Variants in PLOD2 observed in about 807,000 individuals in gnomAD.
PLOD2 encodes the protein lysine hydroxylase 2.
In PLOD2, 65 loss-of-function variants were observed where a neutral mutation model predicts 101.0. The observed-to-expected ratio is 0.64, with a 90% CI of 0.53 to 0.79. PLOD2 has a LOEUF of 0.79. Ranked by LOEUF, PLOD2 falls within the 30% of genes least tolerant of loss-of-function variation. The probability of loss-of-function intolerance (pLI) is 0.00; values close to 1 mark genes in which losing one functional copy is unlikely to be tolerated. For synonymous variants in PLOD2, 314 were observed against 302.9 expected, an observed-to-expected ratio of 1.04 and a Z score of -0.38; for missense variants, 909 against 914.6, an observed-to-expected ratio of 0.99 and a Z score of 0.08.
chr3:146,154,519 C>G (rs1576633388), intron 1 of PLOD2, among the ~76,000 whole-genome samples: 1 of 151,192 alleles, frequency 6.6e-6, no homozygotes, highest in Middle Eastern at 3.5e-3. Context: ...AAATGAAGAG[C>G]AAAGGTTATC....
At chr3:146,072,692 G>C in intron 16 of PLOD2, 27 bp from the exon 17 acceptor site, 1 of 1,346,222 alleles carries the variant, frequency 7.4e-7, no homozygotes, top group Non-Finnish European at 1.1e-6. Context: ...ATCGTTAGAA[G>C]ACATAATAAC....
chr3:146,145,408 A>G (rs1306142429), intron 1 of PLOD2, among the ~76,000 whole-genome samples: 1 of 152,140 alleles, frequency 6.6e-6, no homozygotes, highest in Non-Finnish European at 1.5e-5. Context: ...CAATGAGCAA[A>G]ACAAATGAAA....
rs1187428023 is a variant in PLOD2 at position 146,079,179 on chromosome 3, C to A, written c.1437G>T (p.Arg479Ser). 1.2e-6 allele frequency: 2 copies of A among 1,611,926 alleles called. No homozygotes were observed. The highest frequency in any genetic ancestry group is 1.7e-6 in the Non-Finnish European group (2 of 1,178,260). Residue 479 changes from arginine (R) to serine (S), a missense_variant, in exon 13 of 20, where the codon AGG (arginine) becomes AGT (serine). Arg to Ser is a moderately radical substitution (Grantham distance 110). Transcript: ENST00000282903. ...GKTLRSEMNERNYFVRDKLDP... is the reference protein window; with the variant it reads ...GKTLRSEMNESNYFVRDKLDP... ...CCAGTTTATCACGAACAAAATAGTT[C>A]CTTTCATTCATCTCTGATCGGAGTG... is the stretch of plus-strand genomic sequence containing the variant.
At chr3:146,107,873 A>G (rs917715414) in intron 4 of PLOD2, among the ~76,000 whole-genome samples, 6 of 151,858 alleles carry the variant, frequency 4.0e-5, no homozygotes, top group African/African-American at 1.2e-4. Context: ...CGAACTCCTG[A>G]CCTCAGGTGA....
In PLOD2 at chr3:146,110,004, C is replaced by G. The variant is rs141913875; in HGVS notation, c.502+281G>C. On this transcript the variant is annotated intron_variant, in intron 4 of 19. Transcript: ENST00000282903. The stretch of plus-strand genomic sequence containing the variant: ...GTGTCATAATTAAAGGAACTGGATC[C>G]ATACTTTTCTTCCTTTAACAACAGA... Among the ~76,000 whole-genome samples the G allele has an allele frequency of 4.7e-4, 71 of 152,136 alleles. No homozygotes were observed. The East Asian group carries it at 0.012, about 25-fold the overall frequency.
intron 1 of PLOD2, among the ~76,000 whole-genome samples, chr3:146,138,338 C>CA (rs5853266): frequency 0.48 from 70,181 of 145,164 alleles, 16,845 homozygotes; most frequent in Middle Eastern, 0.6. Flanking sequence ...TACAGGGAAC[C>CA]AAAAAAAAAA....
At chr3:146,146,669 T>C (rs2031796100) in intron 1 of PLOD2, among the ~76,000 whole-genome samples, 1 of 152,158 alleles carries the variant, frequency 6.6e-6, no homozygotes, top group South Asian at 2.1e-4. Context: ...TGGGTTACAT[T>C]TATGGAAGCC....
At chr3:146,136,976 G>T (rs1393266475) in intron 1 of PLOD2, among the ~76,000 whole-genome samples, 1 of 152,114 alleles carries the variant, frequency 6.6e-6, no homozygotes, top group Non-Finnish European at 1.5e-5. Context: ...AACACTTCTG[G>T]TCCCAAGCAT....
At position 146,085,229 on chromosome 3, in the gene PLOD2, A is replaced by C. The variant is rs1389573885; in HGVS notation, c.1172T>G (p.Val391Gly). Residue 391 changes from valine to glycine, a missense_variant, in exon 11 of 20, where the codon GTG becomes GGG. Transcript: ENST00000282903. The part of the protein sequence containing the change: ...QDEKCDYYFS[V>G]DADVVLTNPR... ...ATTTGTCAAAACAACATCTGCATCC[A>C]CACTAAAGTAATAATCACACTTTTC... The C allele has an allele frequency of 6.2e-7, 1 of 1,609,026 alleles. No homozygotes were observed. The highest frequency in any genetic ancestry group is 2.2e-5 in the East Asian group (1 of 44,744).
At chr3:146,121,914 C>A (rs2030186165) in intron 2 of PLOD2, among the ~76,000 whole-genome samples, 1 of 152,176 alleles carries the variant, frequency 6.6e-6, no homozygotes, top group Non-Finnish European at 1.5e-5. Flanking sequence ...TGATGACACA[C>A]TGACTCTAAG....
chr3:146,095,574 T>C (rs1329392997), intron 7 of PLOD2, among the ~76,000 whole-genome samples: 4 of 152,128 alleles, frequency 2.6e-5, no homozygotes, highest in Non-Finnish European at 5.9e-5. Context: ...CTGGTGAGGA[T>C]ACGGAGAAAT....
At position 146,077,943 on chromosome 3, in the gene PLOD2, T is replaced by G. The variant is rs755957935; in HGVS notation, c.1501-19A>C. ...GTAAAGTCTAAAATGAAGAGAAGCA[T>G]TGGGTAAGTTGACCTGTACACCCGC... On this transcript the variant is annotated intron_variant, in intron 13 of 19. Coordinates refer to ENST00000282903, the MANE Select transcript of PLOD2 (RefSeq NM_182943.3). 3 of 1,452,150 alleles carry G rather than the reference T, an allele frequency of 2.1e-6. No homozygotes were observed. The highest frequency in any genetic ancestry group is 1.9e-6 in the Non-Finnish European group (2 of 1,032,732). 90.0% of individuals were successfully genotyped at this position (1,452,150 alleles called of 1,614,324 possible).
intron 19 of PLOD2, 72 bp downstream of exon 19, chr3:146,070,970 G>A: frequency 6.6e-7 from 1 of 1,511,018 alleles, no homozygotes; most frequent in Admixed American, 1.7e-5. Flanking sequence ...AGAAACTAAG[G>A]CCTAAGGCAA....
At position 146,072,463 on chromosome 3, in the gene PLOD2, G is replaced by T. The variant is rs942965042; in HGVS notation, c.1848+98C>A. The T allele has an allele frequency of 1.1e-5, 9 of 810,302 alleles. No individual in the cohort carries two copies. The African/African-American group carries it at 1.5e-4, about 14-fold the overall frequency. The allele number at this position is 810,302 out of a possible 1,614,324, so 50.2% of individuals were successfully genotyped here. Reference sequence around the variant, plus strand: ...CCAATTTATCTAAGTCTAGAACTCAGAGACATATGAGAAAAAGTATATAAC... The same window carrying T: ...CCAATTTATCTAAGTCTAGAACTCATAGACATATGAGAAAAAGTATATAAC... On this transcript the variant is annotated intron_variant, in intron 17 of 19. Transcript: ENST00000282903.
chr3:146,154,403 TC>T (rs1315233722), intron 1 of PLOD2, among the ~76,000 whole-genome samples: 2 of 151,562 alleles, frequency 1.3e-5, no homozygotes, highest in South Asian at 2.1e-4. Flanking sequence ...CTGGGGAGTA[TC>T]CCCATCACTC....
intron 11 of PLOD2, among the ~76,000 whole-genome samples, chr3:146,083,544 G>A (rs943618149): frequency 6.6e-6 from 1 of 151,680 alleles, no homozygotes; most frequent in East Asian, 1.9e-4. Flanking sequence ...CTCTTTAAGG[G>A]GCAAGGGCCC....
Position 146,088,670 on chromosome 3 carries a change from T to C in PLOD2, c.921A>G (p.Pro307=). The C allele has an allele frequency of 6.2e-7, 1 of 1,608,056 alleles. No homozygotes were observed. Among genetic ancestry groups the C allele is most frequent in the South Asian group, 1.1e-5 (1 of 90,878 alleles). The change falls in exon 9 of 20, where the codon CCA becomes CCG. Residue 307 remains proline, a synonymous_variant. Coordinates refer to ENST00000282903, the MANE Select transcript of PLOD2 (RefSeq NM_182943.3). ...NVSIGVFIEQ[P]TPFLPRFLDI... ...CCAGAAACCGAGGTAGAAAAGGGGT[T>C]GGTTGCTCAATAAAAACACCTATTG... is the stretch of plus-strand genomic sequence containing the variant.
At chr3:146,083,439 CAT>C (rs994984183) in intron 11 of PLOD2, among the ~76,000 whole-genome samples, 1 of 152,170 alleles carries the variant, frequency 6.6e-6, no homozygotes, top group Non-Finnish European at 1.5e-5. Context: ...ATAGAAACCA[CAT>C]GTCTAGATAC....
At chr3:146,115,800 G>A (rs1937880206) in intron 3 of PLOD2, among the ~76,000 whole-genome samples, 1 of 152,108 alleles carries the variant, frequency 6.6e-6, no homozygotes, top group African/African-American at 2.4e-5. Context: ...AATATTTTAG[G>A]TCCTGATGAC....
Sources: allele counts gnomAD v4.1 joint callset (sites outside exome capture counted in the v4.1 genomes callset), GRCh38; gene constraint gnomAD v4.1.1; transcripts MANE v1.5; gene names NCBI Gene and HGNC (gene_info 2026-07-23, HGNC 2026-07-21).